The following SLC35F1 variants were observed in gnomAD, a reference collection of about 807,000 sequenced individuals.
SLC35F1 encodes chromosome 6 open reading frame 169.
A neutral mutation model predicts 48.7 loss-of-function variants in SLC35F1; 14 were observed. That is an observed-to-expected ratio of 0.29 (90% confidence interval 0.19 to 0.45). The LOEUF is 0.45. SLC35F1 is among the 20% of genes least tolerant of loss of function. The pLI, the probability that SLC35F1 is intolerant of heterozygous loss-of-function variation, is 1.00. For missense variants in SLC35F1, 404 were observed against 500.0 expected, an observed-to-expected ratio of 0.81 and a Z score of 1.83; for synonymous variants, 190 against 202.2, an observed-to-expected ratio of 0.94 and a Z score of 0.51.
At chr6:117,980,019 G>A (rs180730945) in intron 1 of SLC35F1, among the ~76,000 whole-genome samples, 9 of 152,192 alleles carry the variant, frequency 5.9e-5, no homozygotes, top group Admixed American at 2.6e-4. Context: ...TCTTCTACCC[G>A]TGTTGAGTTT....
At position 118,049,491 on chromosome 6, in the gene SLC35F1, C is replaced by G. The variant is rs565585860; in HGVS notation, c.174-104954C>G. On this transcript the variant is annotated intron_variant, in intron 1 of 7. Transcript: ENST00000360388. Reference sequence around the variant, plus strand: ...TTGACAAAGGGCTAATATCCAGAATCTACAATGAACTCAAACAAATTTACA... The same window carrying G: ...TTGACAAAGGGCTAATATCCAGAATGTACAATGAACTCAAACAAATTTACA... Among the ~76,000 whole-genome samples the G allele has an allele frequency of 4.7e-4, 71 of 152,178 alleles. 1 individual carries two copies. The East Asian group carries it at 0.013, about 27-fold the overall frequency.
chr6:117,926,135 A>G (rs910872446), intron 1 of SLC35F1, among the ~76,000 whole-genome samples: 1 of 152,138 alleles, frequency 6.6e-6, no homozygotes, highest in Non-Finnish European at 1.5e-5. Context: ...TGTAATCCCT[A>G]TAATCCCCAC....
At chr6:118,258,949 G>A (rs1000830782) in intron 3 of SLC35F1, among the ~76,000 whole-genome samples, 3 of 151,830 alleles carry the variant, frequency 2.0e-5, no homozygotes, top group African/African-American at 7.2e-5. Flanking sequence ...ACTTACCATA[G>A]TTGACTACTT....
At chr6:118,275,413 A>T in intron 4 of SLC35F1, 46 bp from the exon 5 acceptor site, 1 of 1,557,360 alleles carries the variant, frequency 6.4e-7, no homozygotes, top group Non-Finnish European at 8.7e-7. Context: ...TTGTTAAGAA[A>T]GTTTTAATGA....
At chr6:118,238,973 C>T (rs1159572122) in intron 3 of SLC35F1, among the ~76,000 whole-genome samples, 1 of 151,920 alleles carries the variant, frequency 6.6e-6, no homozygotes, top group African/African-American at 2.4e-5. Context: ...AGAGGTGAGA[C>T]AGATGGATGC....
Position 117,907,734 on chromosome 6 carries a change from C to A in SLC35F1, c.8C>A (p.Pro3His). The A allele has an allele frequency of 6.5e-7, 1 of 1,538,092 alleles. No individual in the cohort carries two copies. Among genetic ancestry groups the A allele is most frequent in the Non-Finnish European group, 8.7e-7 (1 of 1,147,064 alleles). ...GCCTCAGCCTCTGCCGCGATGATCCCCCCTGAGCAGCCGCAGCAGCAGCTG... is the reference window on the plus strand; with the variant it reads ...GCCTCAGCCTCTGCCGCGATGATCCACCCTGAGCAGCCGCAGCAGCAGCTG... MI[P>H]PEQPQQQLQP... The change falls in exon 1 of 8, where the codon CCC becomes CAC. Residue 3 changes from proline (P) to histidine (H), a missense_variant. Physicochemically the swap from Pro to His is moderately conservative, Grantham distance 77 (BLOSUM62 -2). Around this residue, in one of 2 missense-constraint regions of SLC35F1, gnomAD observed 98 missense variants for 81.0 expected, o/e 1.21. Transcript: ENST00000360388.
intron 2 of SLC35F1, among the ~76,000 whole-genome samples, chr6:118,162,580 C>T (rs1238864239): frequency 6.6e-6 from 1 of 152,146 alleles, no homozygotes; most frequent in Non-Finnish European, 1.5e-5. Flanking sequence ...AAATTAACTA[C>T]TATAACTCGG....
intron 7 of SLC35F1, among the ~76,000 whole-genome samples, chr6:118,290,248 T>C (rs776915447): frequency 2.0e-5 from 3 of 152,000 alleles, no homozygotes; most frequent in Admixed American, 1.3e-4. Flanking sequence ...ATATACAAAA[T>C]TGACTTTTTA....
intron 2 of SLC35F1, among the ~76,000 whole-genome samples, chr6:118,234,425 A>G (rs536200564): frequency 6.6e-6 from 1 of 152,278 alleles, no homozygotes; most frequent in East Asian, 1.9e-4. Context: ...GCAGTACTGT[A>G]CAAAGGTCCT....
intron 5 of SLC35F1, 128 bp downstream of exon 5, chr6:118,275,743 T>C (rs995682189): frequency 5.6e-6 from 4 of 710,462 alleles, no homozygotes; most frequent in African/African-American, 1.8e-5. Context: ...AAAGGACTTA[T>C]GTAATCTGCC....
chr6:118,099,838 TTG>T (rs2114362091), intron 1 of SLC35F1, among the ~76,000 whole-genome samples: 1 of 152,272 alleles, frequency 6.6e-6, no homozygotes, highest in African/African-American at 2.4e-5. Context: ...CTTGTTTCTC[TTG>T]TACTCTAAAA....
chr6:118,265,765 TG>T (rs1277172868), intron 3 of SLC35F1, among the ~76,000 whole-genome samples: 1 of 152,242 alleles, frequency 6.6e-6, no homozygotes, highest in Non-Finnish European at 1.5e-5. Flanking sequence ...TGAGGATCAC[TG>T]CCCTGTACTG....
chr6:118,245,137 G>A (rs1026773932), intron 3 of SLC35F1, among the ~76,000 whole-genome samples: 5 of 152,324 alleles, frequency 3.3e-5, no homozygotes, highest in African/African-American at 1.2e-4. Flanking sequence ...ACACTTGGAT[G>A]TCCAAAGAAA....
At chr6:118,023,322 AC>A (rs958473160) in intron 1 of SLC35F1, among the ~76,000 whole-genome samples, 3 of 152,160 alleles carry the variant, frequency 2.0e-5, no homozygotes, top group African/African-American at 7.2e-5. Context: ...GATGGTGACA[AC>A]AAAGCATTAA....
intron 1 of SLC35F1, among the ~76,000 whole-genome samples, chr6:118,024,200 T>A (rs1777434447): frequency 6.6e-6 from 1 of 152,168 alleles, no homozygotes; most frequent in South Asian, 2.1e-4. Context: ...AGGGAGGAGT[T>A]GTGAGCCTCT....
intron 1 of SLC35F1, among the ~76,000 whole-genome samples, chr6:118,033,419 T>A (rs1772081240): frequency 1.3e-5 from 2 of 152,202 alleles, no homozygotes; most frequent in African/African-American, 4.8e-5. Context: ...AATAAGGAGT[T>A]ATTTTTGGGT....
intron 1 of SLC35F1, among the ~76,000 whole-genome samples, chr6:118,122,842 A>G (rs1487530895): frequency 6.6e-6 from 1 of 152,184 alleles, no homozygotes; most frequent in Non-Finnish European, 1.5e-5. Context: ...CCGACACCTA[A>G]TAGAGGCCCA....
intron 1 of SLC35F1, among the ~76,000 whole-genome samples, chr6:118,012,563 C>G (rs947633644): frequency 1.3e-5 from 2 of 152,156 alleles, no homozygotes; most frequent in African/African-American, 4.8e-5. Flanking sequence ...CATATTTATG[C>G]TTGCTAACTT....
intron 2 of SLC35F1, among the ~76,000 whole-genome samples, chr6:118,158,136 T>C (rs1774172695): frequency 6.6e-6 from 1 of 152,214 alleles, no homozygotes; most frequent in Non-Finnish European, 1.5e-5. Flanking sequence ...ATTTTTACCA[T>C]TGCCTCAGAT....
Sources: gnomAD v4.1 joint callset for allele counts (sites outside exome capture counted in the v4.1 genomes callset) on GRCh38, gnomAD v4.1.1 for gene constraint, gnomAD v4.1.1 regional missense constraint, MANE v1.5 for transcripts, NCBI Gene and HGNC (gene_info 2026-07-23, HGNC 2026-07-21) for gene names.